The following HAPLN1 variants were observed in gnomAD, a reference collection of about 807,000 sequenced individuals.
The protein encoded by HAPLN1 is Cartilage link protein.
A neutral mutation model predicts 36.5 loss-of-function variants in HAPLN1; 13 were observed. The ratio of observed to expected loss-of-function variants is 0.36; its 90% CI spans 0.23 to 0.57. HAPLN1 has a LOEUF of 0.57. HAPLN1 is among the 20% of genes least tolerant of loss of function. The probability of loss-of-function intolerance (pLI) is 0.83; values close to 1 mark genes in which losing one functional copy is unlikely to be tolerated. For missense variants in HAPLN1, 407 were observed against 439.7 expected (o/e 0.93, Z 0.66); for synonymous variants, 202 against 169.8 (o/e 1.19, Z -1.48).
chr5:83,703,085 A>G (rs1318976465), intron 1 of HAPLN1, among the ~76,000 whole-genome samples: 1 of 152,148 alleles, frequency 6.6e-6, no homozygotes, highest in East Asian at 1.9e-4. Flanking sequence ...GGGGCATTGC[A>G]GTGCTTCCTG....
At chr5:83,701,831 CAGG>C (rs1191955419) in intron 1 of HAPLN1, among the ~76,000 whole-genome samples, 3 of 151,898 alleles carry the variant, frequency 2.0e-5, no homozygotes, top group Admixed American at 6.6e-5. Context: ...GAGGCTGAGG[CAGG>C]AGAATTGCTT....
intron 3 of HAPLN1, 164 bp downstream of exon 3, chr5:83,652,289 C>G: frequency 1.6e-6 from 1 of 643,488 alleles, no homozygotes; most frequent in Non-Finnish European, 2.6e-6. Context: ...AACATGAAAG[C>G]TGGAATCATA....
At chr5:83,681,336 A>T (rs1580146427) in intron 1 of HAPLN1, among the ~76,000 whole-genome samples, 3 of 152,292 alleles carry the variant, frequency 2.0e-5, no homozygotes, top group African/African-American at 7.2e-5. Flanking sequence ...GGCCCCTTGT[A>T]ACCAATTATG....
intron 4 of HAPLN1, among the ~76,000 whole-genome samples, chr5:83,643,623 A>AT (rs1262477289): frequency 6.6e-6 from 1 of 150,844 alleles, no homozygotes; most frequent in Non-Finnish European, 1.5e-5. Flanking sequence ...TTATTTATTT[A>AT]TTTTTTCTTT....
chr5:83,645,275 GTTC>G (rs909886045), intron 3 of HAPLN1, among the ~76,000 whole-genome samples: 2 of 151,986 alleles, frequency 1.3e-5, no homozygotes, highest in African/African-American at 4.8e-5. Flanking sequence ...CTTTTTACAT[GTTC>G]TTCTAATAAC....
At chr5:83,699,617 G>GT (rs1173477174) in intron 1 of HAPLN1, among the ~76,000 whole-genome samples, 1 of 152,106 alleles carries the variant, frequency 6.6e-6, no homozygotes, top group East Asian at 1.9e-4. Context: ...GATAAAAAAG[G>GT]TTTTACCACC....
chr5:83,693,553 G>A (rs910849385), intron 1 of HAPLN1, among the ~76,000 whole-genome samples: 3 of 148,726 alleles, frequency 2.0e-5, no homozygotes, highest in African/African-American at 7.3e-5. Context: ...TTGTCAGGTT[G>A]GATTTAAAAG....
At chr5:83,642,572 C>A (rs1003423201) in intron 4 of HAPLN1, among the ~76,000 whole-genome samples, 2 of 152,120 alleles carry the variant, frequency 1.3e-5, no homozygotes, top group Non-Finnish European at 2.9e-5. Flanking sequence ...ATGACTTCAA[C>A]TGACTGAAAG....
chr5:83,641,927 A>C, intron 4 of HAPLN1, 142 bp from the exon 5 acceptor site: 5 of 822,632 alleles, frequency 6.1e-6, no homozygotes, highest in Non-Finnish European at 9.7e-6. Context: ...TAGAAATGTC[A>C]ATTAAATATA....
chr5:83,687,582 G>A (rs1024835234), intron 1 of HAPLN1, among the ~76,000 whole-genome samples: 5 of 152,192 alleles, frequency 3.3e-5, no homozygotes, highest in Non-Finnish European at 7.4e-5. Flanking sequence ...TCACACTAAT[G>A]TGATGAGATA....
Position 83,709,474 on chromosome 5 carries a change from TTTAA to T in HAPLN1, c.-27+11311_-27+11314del, listed in dbSNP as rs1206276130. On this transcript the variant is annotated intron_variant, in intron 1 of 4. Transcript: ENST00000274341. ...TCAGCTAGTATATTGGGTAATTTTA[TTTAA>T]TTAATTTATTTATTTTACAAAATTT... is the stretch of plus-strand genomic sequence containing the variant. Among the ~76,000 whole-genome samples the T allele has an allele frequency of 3.9e-5, 6 of 152,328 alleles. No homozygotes were observed. In the South Asian group the frequency reaches 6.2e-4, roughly 16 times the overall value.
At chr5:83,644,294 C>A in intron 4 of HAPLN1, 69 bp downstream of exon 4, 1 of 1,138,576 alleles carries the variant, frequency 8.8e-7, no homozygotes, top group Non-Finnish European at 1.2e-6. Context: ...AGATTAAAAG[C>A]CAAGTGTAGT....
At chr5:83,652,984 C>A (rs1397781529) in intron 2 of HAPLN1, among the ~76,000 whole-genome samples, 160 bp from the exon 3 acceptor site, 1 of 151,990 alleles carries the variant, frequency 6.6e-6, no homozygotes, top group Non-Finnish European at 1.5e-5. Flanking sequence ...AGAAAGGGAC[C>A]TCTAATAACT....
intron 2 of HAPLN1, among the ~76,000 whole-genome samples, chr5:83,659,687 C>T (rs758886752): frequency 6.6e-6 from 1 of 152,072 alleles, no homozygotes; most frequent in African/African-American, 2.4e-5. Context: ...CATAATTATA[C>T]TATATTATTA....
chr5:83,666,155 A>G (rs1236116040), intron 2 of HAPLN1, among the ~76,000 whole-genome samples: 1 of 152,150 alleles, frequency 6.6e-6, no homozygotes, highest in Non-Finnish European at 1.5e-5. Context: ...TGGTGTTTGT[A>G]TTCCAAAAGA....
chr5:83,706,164 G>T (rs1283745707), intron 1 of HAPLN1, among the ~76,000 whole-genome samples: 3 of 147,474 alleles, frequency 2.0e-5, no homozygotes, highest in African/African-American at 2.5e-5. Flanking sequence ...TCCACCAGTT[G>T]TACAAGAAAG....
rs1193634741 is a variant in HAPLN1, at chr5:83,673,538, G to A, written c.-15C>T. On this transcript the variant is annotated 5_prime_UTR_variant, in exon 2 of 5. Transcript: ENST00000274341. ...AGACTCTTCATCTTTATAGCCCAAA[G>A]AATCTTCTTCACTGCGAGAGCATCA... The A allele has an allele frequency of 6.3e-7, 1 of 1,584,844 alleles. No homozygotes were observed. Among genetic ancestry groups the A allele is most frequent in the Non-Finnish European group, 8.7e-7 (1 of 1,153,766 alleles).
At chr5:83,685,176 A>G (rs1751090382) in intron 1 of HAPLN1, among the ~76,000 whole-genome samples, 1 of 152,206 alleles carries the variant, frequency 6.6e-6, no homozygotes, top group Non-Finnish European at 1.5e-5. Flanking sequence ...GAAAAATGGC[A>G]TGGGATTTGA....
chr5:83,719,402 T>G (rs1751977967), intron 1 of HAPLN1, among the ~76,000 whole-genome samples: 1 of 152,198 alleles, frequency 6.6e-6, no homozygotes, highest in South Asian at 2.1e-4. Flanking sequence ...TAGTTCTGTT[T>G]TTAAGCTGTT....
Sources: gnomAD v4.1 joint callset for allele counts (sites outside exome capture counted in the v4.1 genomes callset) on GRCh38, gnomAD v4.1.1 for gene constraint, MANE v1.5 for transcripts, NCBI Gene and HGNC (gene_info 2026-07-23, HGNC 2026-07-21) for gene names.